KIT: variants seen among roughly 807,000 people sequenced by gnomAD.
The protein encoded by KIT is mast/stem cell growth factor receptor Kit.
Under a neutral mutation model 105.7 loss-of-function variants are expected in KIT, and 16 were observed. The observed-to-expected ratio is 0.15, with a 90% CI of 0.10 to 0.23. The LOEUF (loss-of-function observed/expected upper bound fraction) is 0.23. Ranked by LOEUF, KIT falls within the 10% of genes least tolerant of loss-of-function variation. The pLI, the probability that KIT is intolerant of heterozygous loss-of-function variation, is 1.00. For synonymous variants in KIT, 438 were observed against 441.1 expected (o/e 0.99, Z 0.09); for missense variants, 858 against 1,213.8 (o/e 0.71, Z 4.36).
In KIT at chr4:54,687,814, A is replaced by C. The variant is rs533917144; in HGVS notation, c.68-7698A>C. On this transcript the variant is annotated intron_variant, in intron 1 of 20. Coordinates refer to ENST00000288135, the MANE Select transcript of KIT (RefSeq NM_000222.3). ...AGTCTTCCTGGCTCAGCTCTCCCCT[A>C]CACCCTTTCATGGTCCTTCTGGGCA... Among the ~76,000 whole-genome samples the C allele has an allele frequency of 1.2e-4, 19 of 152,150 alleles. No homozygotes were observed. In the Middle Eastern group the frequency reaches 0.01, roughly 82 times the overall value.
At chr4:54,697,324 C>T (rs1244915534) in intron 2 of KIT, among the ~76,000 whole-genome samples, 2 of 152,144 alleles carry the variant, frequency 1.3e-5, no homozygotes, top group Non-Finnish European at 2.9e-5. Flanking sequence ...TCAATGATGT[C>T]AAGTTCATTT....
At chr4:54,728,169 A>G (rs2109782700) in intron 13 of KIT, 48 bp downstream of exon 13, 1 of 1,343,876 alleles carries the variant, frequency 7.4e-7, no homozygotes, top group Non-Finnish European at 1.1e-6. Flanking sequence ...GGTTATCAAA[A>G]CATGACATTT....
rs767156329 is a variant in KIT, at chr4:54,700,735, C to G, written c.756+969C>G. Among the ~76,000 whole-genome samples the G allele has an allele frequency of 1.9e-4, 29 of 152,190 alleles. 1 individual carries two copies. Among genetic ancestry groups the G allele is most frequent in the Non-Finnish European group, 2.4e-4 (16 of 68,020 alleles). On this transcript the variant is annotated intron_variant, in intron 4 of 20. Transcript: ENST00000288135. ...CAATTTTATGCCTGTTTAAAAAACT[C>G]TTTGCTAAACAAATAACCATGGTGA...
intron 1 of KIT, among the ~76,000 whole-genome samples, chr4:54,663,796 C>A (rs2109542336): frequency 6.6e-6 from 1 of 152,246 alleles, no homozygotes; most frequent in East Asian, 1.9e-4. Context: ...TTGTCCATTG[C>A]CCCAGGCTAG....
At chr4:54,728,471 G>T (rs1019919792) in intron 13 of KIT, among the ~76,000 whole-genome samples, 2 of 152,010 alleles carry the variant, frequency 1.3e-5, no homozygotes, top group African/African-American at 4.8e-5. Context: ...ATATTAATTT[G>T]CATACTACAA....
chr4:54,664,979 A>T (rs1717582544), intron 1 of KIT, among the ~76,000 whole-genome samples: 1 of 151,908 alleles, frequency 6.6e-6, no homozygotes, highest in Non-Finnish European at 1.5e-5. Flanking sequence ...TGTTAAGTAC[A>T]TTCATACTGT....
At chr4:54,720,676 T>A (rs1721813195) in intron 7 of KIT, among the ~76,000 whole-genome samples, 1 of 152,240 alleles carries the variant, frequency 6.6e-6, no homozygotes, top group Non-Finnish European at 1.5e-5. Flanking sequence ...CAGCCTTTCC[T>A]CCGCCTATTA....
At chr4:54,708,890 G>C (rs1007945457) in intron 6 of KIT, among the ~76,000 whole-genome samples, 1 of 152,184 alleles carries the variant, frequency 6.6e-6, no homozygotes, top group Non-Finnish European at 1.5e-5. Context: ...TCAGAAGCTT[G>C]AGTGGCAAAT....
chr4:54,662,172 G>C (rs1717326337), intron 1 of KIT, among the ~76,000 whole-genome samples: 1 of 152,066 alleles, frequency 6.6e-6, no homozygotes, highest in African/African-American at 2.4e-5. Context: ...CATCCCTTAG[G>C]CATTCCCCAC....
chr4:54,706,887 G>T (rs182831537), intron 5 of KIT, among the ~76,000 whole-genome samples: 115 of 152,296 alleles, frequency 7.6e-4, no homozygotes, highest in Middle Eastern at 3.4e-3. Flanking sequence ...AGAGATGGGA[G>T]AATCAGTATT....
chr4:54,714,836 C>T (rs2237015), intron 7 of KIT, among the ~76,000 whole-genome samples: 2,342 of 152,204 alleles, frequency 0.015, 53 homozygotes, highest in South Asian at 0.11. Flanking sequence ...GTGATCCTCA[C>T]GTGGTGGTGA....
chr4:54,660,950 G>A (rs938262227), intron 1 of KIT, among the ~76,000 whole-genome samples: 5 of 152,136 alleles, frequency 3.3e-5, no homozygotes, highest in Non-Finnish European at 7.3e-5. Flanking sequence ...TTAGAATTGC[G>A]TGTCTTATGA....
chr4:54,687,003 G>C (rs766041625), intron 1 of KIT, among the ~76,000 whole-genome samples: 12 of 152,140 alleles, frequency 7.9e-5, no homozygotes, highest in Non-Finnish European at 1.5e-4. Context: ...GGTACCACTG[G>C]TTTGAGTGGG....
Position 54,729,451 on chromosome 4 carries a change from T to A in KIT, c.2107T>A (p.Tyr703Asn), listed in dbSNP as rs746990067. 3 of 1,613,688 alleles carry A rather than the reference T, an allele frequency of 1.9e-6. No homozygotes were observed. The highest frequency in any genetic ancestry group is 2.5e-6 in the Non-Finnish European group (3 of 1,179,768). Residue 703 changes from tyrosine to asparagine, a missense_variant, in exon 14 of 21, where the codon TAT (tyrosine) becomes AAT (asparagine). Tyr to Asn is a moderately radical substitution (Grantham distance 143). Around this residue, in one of 7 missense-constraint regions of KIT, gnomAD observed 158 missense variants for 218.7 expected, o/e 0.72. Transcript: ENST00000288135. Reference protein sequence around the residue: ...KQEDHAEAALYKNLLHSKESS... With the variant: ...KQEDHAEAALNKNLLHSKESS... ...GGAAGATCATGCAGAAGCTGCACTT[T>A]ATAAGAATCTTCTGCATTCAAAGGA...
chr4:54,668,720 G>A (rs748487483), intron 1 of KIT, among the ~76,000 whole-genome samples: 1 of 152,208 alleles, frequency 6.6e-6, no homozygotes, highest in East Asian at 1.9e-4. Context: ...GGCAGGAGAC[G>A]TTGGCTGTCT....
intron 2 of KIT, among the ~76,000 whole-genome samples, chr4:54,696,307 CAA>C (rs1229505023): frequency 1.3e-5 from 2 of 152,096 alleles, no homozygotes; most frequent in East Asian, 1.9e-4. Flanking sequence ...CTCTTATAAA[CAA>C]AAGAAAAATA....
rs201988161 is a variant in KIT at position 54,699,706 on chromosome 4, G to T, written c.696G>T (p.Thr232=). The T allele has an allele frequency of 1.2e-6, 2 of 1,613,940 alleles. No homozygotes were observed. The highest frequency in any genetic ancestry group is 2.2e-5 in the South Asian group (2 of 91,074). ...GGGAAGGGGAAGAATTCACAGTGAC[G>T]TGCACAATAAAAGATGTGTCTAGTT... ...LLREGEEFTV[T]CTIKDVSSSV... The change falls in exon 4 of 21, where the codon ACG becomes ACT. Residue 232 remains threonine, a synonymous_variant. Transcript: ENST00000288135.
At chr4:54,721,386 A>G (rs1321717326) in intron 7 of KIT, among the ~76,000 whole-genome samples, 1 of 152,178 alleles carries the variant, frequency 6.6e-6, no homozygotes, top group Non-Finnish European at 1.5e-5. Flanking sequence ...GTCGTGTCCT[A>G]CTTTTCAGCC....
intron 1 of KIT, among the ~76,000 whole-genome samples, chr4:54,690,062 G>C (rs369346011): frequency 1.4e-5 from 2 of 138,532 alleles, no homozygotes; most frequent in South Asian, 2.5e-4. Context: ...TTTTTGTGGG[G>C]GGGGGGGGCT....
Sources: gnomAD v4.1 joint callset for allele counts (sites outside exome capture counted in the v4.1 genomes callset) on GRCh38, gnomAD v4.1.1 for gene constraint, gnomAD v4.1.1 regional missense constraint, MANE v1.5 for transcripts, NCBI Gene and HGNC (gene_info 2026-07-23, HGNC 2026-07-21) for gene names.